WWTR1: variants seen among roughly 807,000 people sequenced by gnomAD.
WWTR1 encodes the protein WW domain containing transcription regulator 1.
In WWTR1, 13 loss-of-function variants were observed where a neutral mutation model predicts 40.1. The observed-to-expected ratio is 0.32, with a 90% CI of 0.21 to 0.52. WWTR1 has a LOEUF of 0.52. WWTR1 is among the 20% of genes least tolerant of loss of function. WWTR1 has a pLI of 0.97. For missense variants in WWTR1, 436 were observed against 523.1 expected (o/e 0.83, Z 1.63); for synonymous variants, 230 against 210.1 (o/e 1.09, Z -0.82).
chr3:149,628,424 G>A (rs1368143646), intron 2 of WWTR1, among the ~76,000 whole-genome samples: 1 of 151,710 alleles, frequency 6.6e-6, no homozygotes, highest in Non-Finnish European at 1.5e-5. Flanking sequence ...CACTTTGTGA[G>A]CTGCATGCTT....
At chr3:149,528,427 T>C (rs1735430183) in intron 4 of WWTR1, among the ~76,000 whole-genome samples, 1 of 152,210 alleles carries the variant, frequency 6.6e-6, no homozygotes. Flanking sequence ...AGGCTCTACA[T>C]TAAATTGCAT....
intron 5 of WWTR1, among the ~76,000 whole-genome samples, chr3:149,712,064 G>A (rs1040277492): frequency 2.0e-5 from 3 of 152,202 alleles, no homozygotes; most frequent in African/African-American, 7.2e-5. Context: ...TTTCTTGATT[G>A]TATAAATGTC....
intron 2 of WWTR1, among the ~76,000 whole-genome samples, chr3:149,654,126 A>AT (rs879817169): frequency 1.6e-3 from 203 of 127,332 alleles, no homozygotes; most frequent in African/African-American, 4.7e-3. Flanking sequence ...AAATAAAAAA[A>AT]TTAAAAAAAA....
intron 2 of WWTR1, among the ~76,000 whole-genome samples, chr3:149,585,223 C>G (rs1738365268): frequency 6.6e-6 from 1 of 151,772 alleles, no homozygotes; most frequent in Admixed American, 6.6e-5. Flanking sequence ...ACCTTCACTT[C>G]CCAGGTTCAA....
chr3:149,587,907 A>T (rs1738507356), intron 2 of WWTR1, among the ~76,000 whole-genome samples: 1 of 152,220 alleles, frequency 6.6e-6, no homozygotes, highest in Non-Finnish European at 1.5e-5. Flanking sequence ...ATTCTCGCAT[A>T]TTACTAGACT....
intron 4 of WWTR1, among the ~76,000 whole-genome samples, chr3:149,721,128 G>A: frequency 6.6e-6 from 1 of 151,792 alleles, no homozygotes; most frequent in East Asian, 1.9e-4. Flanking sequence ...TCATTGCTAT[G>A]TCTAGCATTT....
intron 2 of WWTR1, among the ~76,000 whole-genome samples, chr3:149,640,006 A>AGAAAG (rs1296579944): frequency 6.7e-6 from 1 of 148,796 alleles, no homozygotes; most frequent in Non-Finnish European, 1.5e-5. Flanking sequence ...AAAAAAAAAA[A>AGAAAG]AAAAAAAGAA....
intron 2 of WWTR1, among the ~76,000 whole-genome samples, chr3:149,632,835 A>G (rs920986060): frequency 1.3e-5 from 2 of 152,210 alleles, no homozygotes; most frequent in Admixed American, 1.3e-4. Context: ...ATTTACATAC[A>G]ATTTCCAGAA....
At chr3:149,526,423 A>C (rs57019681) in intron 5 of WWTR1, among the ~76,000 whole-genome samples, 1,558 of 152,086 alleles carry the variant, frequency 0.01, 29 homozygotes, top group African/African-American at 0.036. Flanking sequence ...AAAAAAAAAA[A>C]CAAAAACTAT....
chr3:149,628,737 TTTTTATTTTATTTTATTTTA>T (rs144977104), intron 2 of WWTR1, among the ~76,000 whole-genome samples: 4 of 144,650 alleles, frequency 2.8e-5, no homozygotes, highest in South Asian at 2.2e-4. Flanking sequence ...CTTTTTATTT[TTTTTATTTTATTTTATTTTA>T]TTTTATTTTA....
At position 149,639,118 on chromosome 3, in the gene WWTR1, G is replaced by T. The variant is rs1287544435; in HGVS notation, c.431+17758C>A. ...GCCCATTCCAAAAAGATCTAGCAAT[G>T]GTCTACAAAGACTGCTCTTAAAATG... On this transcript the variant is annotated intron_variant, in intron 2 of 6. Transcript: ENST00000360632. Among the ~76,000 whole-genome samples, 3 of 152,224 alleles carry T rather than the reference G, an allele frequency of 2.0e-5. No individual in the cohort carries two copies. In the East Asian group the frequency reaches 5.8e-4, roughly 29 times the overall value.
Position 149,572,937 on chromosome 3 carries a change from A to ATGATTCAGAGGC in WWTR1, c.483_494dup (p.Gln161_Asn164dup). The ATGATTCAGAGGC allele has an allele frequency of 2.5e-6, 4 of 1,613,784 alleles. No individual in the cohort carries two copies. Among genetic ancestry groups the ATGATTCAGAGGC allele is most frequent in the Non-Finnish European group, 3.4e-6 (4 of 1,179,952 alleles). ...AACTGACGGCAGGGTGGAGGTTCAT[A>ATGATTCAGAGGC]TGATTCAGAGGCTGATTCATCGCCT... On this transcript the variant is annotated inframe_insertion, in exon 3 of 7. Transcript: ENST00000360632.
rs75481439 is a variant in WWTR1 at position 149,609,652 on chromosome 3, C to T, written c.432-36652G>A. 1.9e-3 allele frequency among the ~76,000 whole-genome samples: 296 copies of T among 152,286 alleles called. 1 individual carries two copies. Among genetic ancestry groups the T allele is most frequent in the Non-Finnish European group, 3.5e-3 (237 of 68,024 alleles). On this transcript the variant is annotated intron_variant, in intron 2 of 6. Coordinates refer to ENST00000360632, the MANE Select transcript of WWTR1 (RefSeq NM_015472.6). ...ACAGGGACTTTATGGCCCATGAAGT[C>T]TAAACTATTTACCTCTAGCCCTTTA...
At chr3:149,695,760 CA>C (rs1301081231) in intron 1 of WWTR1, among the ~76,000 whole-genome samples, 6,330 of 69,198 alleles carry the variant, frequency 0.091, 227 homozygotes, top group East Asian at 0.27. Context: ...GGCTCCATCT[CA>C]AAAAAAAAAA....
chr3:149,652,094 C>T (rs556000070), intron 2 of WWTR1, among the ~76,000 whole-genome samples: 8 of 150,528 alleles, frequency 5.3e-5, no homozygotes, highest in Non-Finnish European at 8.9e-5. Flanking sequence ...CCGCCCGCCT[C>T]GGCCTCCCAA....
At chr3:149,636,966 GAAAAAAAAA>G (rs397950107) in intron 2 of WWTR1, among the ~76,000 whole-genome samples, 2 of 43,316 alleles carry the variant, frequency 4.6e-5, no homozygotes, top group African/African-American at 1.9e-4. Flanking sequence ...TGTCTCAAGT[GAAAAAAAAA>G]AAAAAAAAAA....
At chr3:149,581,388 T>G (rs775991108) in intron 2 of WWTR1, among the ~76,000 whole-genome samples, 16 of 152,104 alleles carry the variant, frequency 1.1e-4, no homozygotes, top group Non-Finnish European at 2.2e-4. Context: ...AAGGTGACTC[T>G]TCACACAGCA....
At chr3:149,586,222 C>T (rs1378958128) in intron 2 of WWTR1, among the ~76,000 whole-genome samples, 6 of 151,734 alleles carry the variant, frequency 4.0e-5, no homozygotes, top group Non-Finnish European at 8.8e-5. Flanking sequence ...AGGAAAGTTG[C>T]AAGAATATAT....
rs533590338 is a variant in WWTR1, at chr3:149,634,149, TGA to T, written c.431+22725_431+22726del. Among the ~76,000 whole-genome samples the T allele has an allele frequency of 6.6e-5, 10 of 152,062 alleles. No individual in the cohort carries two copies. The East Asian group carries it at 1.7e-3, about 27-fold the overall frequency. On this transcript the variant is annotated intron_variant, in intron 2 of 6. Transcript: ENST00000360632. ...GAAGACCCAACCATGTCAAGACCGG[TGA>T]GAGGGAAAAGGAGAGCCAGGGTGGC...
Sources: allele counts gnomAD v4.1 joint callset (sites outside exome capture counted in the v4.1 genomes callset), GRCh38; gene constraint gnomAD v4.1.1; transcripts MANE v1.5; gene names NCBI Gene and HGNC (gene_info 2026-07-23, HGNC 2026-07-21).